Variants in USP13 observed in about 807,000 individuals in gnomAD.
USP13 encodes ubiquitin specific peptidase 13.
Under a neutral mutation model 107.8 loss-of-function variants are expected in USP13, and 68 were observed. The ratio of observed to expected loss-of-function variants is 0.63; its 90% confidence interval spans 0.52 to 0.77. The LOEUF (loss-of-function observed/expected upper bound fraction) is 0.77, where lower values mean the gene tolerates loss of function less well. Ranked by LOEUF, USP13 falls within the 30% of genes least tolerant of loss-of-function variation. USP13 has a pLI of 0.00. For missense variants in USP13, 945 were observed against 1,093.3 expected (o/e 0.86, Z 1.91); for synonymous variants, 377 against 389.5 (o/e 0.97, Z 0.38).
chr3:179,654,742 C>T lies in USP13; in HGVS notation c.168+1349C>T, dbSNP rs113173118. On this transcript the variant is annotated intron_variant, in intron 1 of 20. Coordinates refer to ENST00000263966, the MANE Select transcript of USP13 (RefSeq NM_003940.3). ...ATTGTCAGAGGGGAAAAGAAAAGTC[C>T]AAATGAGCGGCAACATTTCCAAAGT... Among the ~76,000 whole-genome samples the T allele has an allele frequency of 8.3e-3, 1,259 of 152,222 alleles. 25 individuals carry two copies. Among genetic ancestry groups the T allele is most frequent in the African/African-American group, 0.029 (1,195 of 41,524 alleles).
In USP13 at chr3:179,742,114, A is replaced by T. The variant is rs1000290717; in HGVS notation, c.1381-83A>T. The T allele has an allele frequency of 7.6e-5, 117 of 1,545,110 alleles. 1 individual carries two copies. In the East Asian group the frequency reaches 2.6e-3, roughly 35 times the overall value. ...ATGTTTAATAAAGCCAAGTGTTTAC[A>T]CCGGGTTTAGAGTTCATTTTCTACT... is the stretch of plus-strand genomic sequence containing the variant. On this transcript the variant is annotated intron_variant, in intron 11 of 20. Coordinates refer to ENST00000263966, the MANE Select transcript of USP13 (RefSeq NM_003940.3). The surrounding 1 kb of genome is among the most constrained non-coding windows in gnomAD (Gnocchi z 5.0).
In USP13 at chr3:179,719,979, C is replaced by T; in HGVS notation, c.845C>T (p.Pro282Leu). The change falls in exon 7 of 21, where the codon CCT becomes CTT. Residue 282 changes from proline (P) to leucine (L), a missense_variant. Physicochemically the swap from Pro to Leu is moderately conservative, Grantham distance 98. Transcript: ENST00000263966. ...SFQEEEPVLDPHLAKHLAHFG... is the reference protein window; with the variant it reads ...SFQEEEPVLDLHLAKHLAHFG... ...CAAGAAGAAGAACCTGTTTTGGATC[C>T]TCATTTGGCCAAGCACTTAGCGCAT... 6.2e-7 allele frequency: 1 copy of T among 1,613,988 alleles called. No individual in the cohort carries two copies.
Position 179,678,263 on chromosome 3 carries a change from T to A in USP13, c.169-3615T>A, listed in dbSNP as rs551990164. Among the ~76,000 whole-genome samples the A allele has an allele frequency of 6.6e-6, 1 of 152,256 alleles. No homozygotes were observed. Among genetic ancestry groups the A allele is most frequent in the African/African-American group, 2.4e-5 (1 of 41,476 alleles). ...AATGAATAATTGACTATTATAGTGA[T>A]GCAGTATGTTTTTCTTAGGAGGTCT... On this transcript the variant is annotated intron_variant, in intron 1 of 20. Coordinates refer to ENST00000263966, the MANE Select transcript of USP13 (RefSeq NM_003940.3). This position sits in a 1 kb window ranked among gnomAD's most constrained non-coding sequence, Gnocchi z 4.2.
intron 8 of USP13, among the ~76,000 whole-genome samples, chr3:179,727,992 TCCCAGACGGGGCGG>T (rs1713608688): frequency 5.6e-5 from 3 of 53,974 alleles, no homozygotes; most frequent in Non-Finnish European, 1.2e-4. Context: ...CCCACCTCCC[TCCCAGACGGGGCGG>T]CTGGCCAGGT....
chr3:179,657,109 A>T (rs996145064), intron 1 of USP13, among the ~76,000 whole-genome samples: 6 of 152,214 alleles, frequency 3.9e-5, no homozygotes, highest in African/African-American at 1.4e-4. Context: ...CAGTTTCTCC[A>T]TCTGTAAAAT....
chr3:179,774,484 G>A (rs190339924), intron 19 of USP13, among the ~76,000 whole-genome samples: 10 of 151,622 alleles, frequency 6.6e-5, no homozygotes, highest in Admixed American at 3.3e-4. Flanking sequence ...AGACCTTCAC[G>A]GCAAGTGCTA....
intron 1 of USP13, among the ~76,000 whole-genome samples, chr3:179,659,162 G>A (rs897125929): frequency 6.6e-6 from 1 of 152,170 alleles, no homozygotes; most frequent in Non-Finnish European, 1.5e-5. Flanking sequence ...TGGAAACTCT[G>A]ATGGACAGGG....
At chr3:179,711,106 C>G (rs1485980799) in intron 6 of USP13, among the ~76,000 whole-genome samples, 1 of 152,202 alleles carries the variant, frequency 6.6e-6, no homozygotes, top group African/African-American at 2.4e-5. Flanking sequence ...AATAAATTAA[C>G]CTCTTACTGT....
intron 1 of USP13, among the ~76,000 whole-genome samples, chr3:179,677,685 T>C (rs1032834097): frequency 6.6e-6 from 1 of 152,202 alleles, no homozygotes; most frequent in African/African-American, 2.4e-5. Flanking sequence ...TAAGAAACTA[T>C]AGACTCTTGG....
intron 1 of USP13, among the ~76,000 whole-genome samples, chr3:179,677,080 A>T (rs1576918017): frequency 6.6e-6 from 1 of 150,968 alleles, no homozygotes; most frequent in South Asian, 2.1e-4. Context: ...CTGGTCTCGA[A>T]CTCCTGACCT....
chr3:179,774,560 G>C (rs1715450893), intron 19 of USP13, among the ~76,000 whole-genome samples: 1 of 148,452 alleles, frequency 6.7e-6, no homozygotes, highest in African/African-American at 2.6e-5. Context: ...ATTCCTCCCT[G>C]TGGGTTTGTG....
chr3:179,741,997 A>T (rs1714217250), intron 11 of USP13, among the ~76,000 whole-genome samples, 200 bp from the exon 12 acceptor site: 1 of 151,940 alleles, frequency 6.6e-6, no homozygotes, highest in South Asian at 2.1e-4. Flanking sequence ...GATGAACTAT[A>T]TTTTATTTTA....
chr3:179,699,739 C>CTTAT (rs148002875), intron 3 of USP13, among the ~76,000 whole-genome samples: 59 of 137,320 alleles, frequency 4.3e-4, no homozygotes, highest in Non-Finnish European at 5.5e-4. Flanking sequence ...TTAGCTGTAT[C>CTTAT]TTATTTATTT....
chr3:179,690,203 A>T (rs1202426146), intron 2 of USP13, 38 bp from the exon 3 acceptor site: 2 of 1,594,876 alleles, frequency 1.3e-6, no homozygotes, highest in East Asian at 2.2e-5. Context: ...TGTTTATTTT[A>T]TAGGCCGCAT....
chr3:179,761,023 G>A (rs1402863668), intron 16 of USP13, 89 bp from the exon 17 acceptor site: 13 of 1,500,548 alleles, frequency 8.7e-6, no homozygotes, highest in Middle Eastern at 1.8e-4. Context: ...CTTTCTTTGG[G>A]TAGCATGTGG....
chr3:179,712,830 T>C (rs1309150704), intron 6 of USP13, among the ~76,000 whole-genome samples: 1 of 152,120 alleles, frequency 6.6e-6, no homozygotes, highest in Non-Finnish European at 1.5e-5. Context: ...TGTATGACAG[T>C]ACCCATTTCA....
In USP13 at chr3:179,786,435, A is replaced by AT. The variant is rs530327100; in HGVS notation, c.*2295dup. 193 of 152,372 alleles carry AT rather than the reference A, an allele frequency of 1.3e-3. 1 individual carries two copies. The highest frequency in any genetic ancestry group is 4.4e-3 in the African/African-American group (185 of 41,590). The allele number at this position is 152,372 out of a possible 1,614,324, so 9.4% of individuals were successfully genotyped here. A position where few individuals can be genotyped will look rare whatever the true frequency, so the allele number is the denominator to read the frequency against. On this transcript the variant is annotated 3_prime_UTR_variant, in exon 21 of 21. Transcript: ENST00000263966. ...AAATCAATATTTAAGACTATAGGCT[A>AT]TAAATTGTTTGATTTCATTAACTAG...
intron 1 of USP13, among the ~76,000 whole-genome samples, chr3:179,680,549 CA>C (rs112561177): frequency 0.017 from 2,573 of 152,126 alleles, 81 homozygotes; most frequent in African/African-American, 0.059. Context: ...GTATTTATTA[CA>C]TTTTTTTTTC....
intron 3 of USP13, among the ~76,000 whole-genome samples, chr3:179,698,752 A>G (rs571496650): frequency 1.2e-3 from 180 of 152,292 alleles, no homozygotes; most frequent in African/African-American, 4.2e-3. Flanking sequence ...AGCATAATAT[A>G]AAGTCTTTAC....
Sources: allele counts gnomAD v4.1 joint callset (sites outside exome capture counted in the v4.1 genomes callset), GRCh38; gene constraint gnomAD v4.1.1; non-coding constraint Gnocchi (gnomAD v3.1); transcripts MANE v1.5; gene names NCBI Gene and HGNC (gene_info 2026-07-23, HGNC 2026-07-21).